Variants in CFAP161 observed in about 807,000 individuals in gnomAD.
The protein encoded by CFAP161 is cilia and flagella associated protein 161.
In CFAP161, 25 loss-of-function variants were observed where a neutral mutation model predicts 29.0. The observed-to-expected ratio is 0.86, with a 90% confidence interval of 0.63 to 1.20. The LOEUF is 1.20. Among genes scored for constraint, CFAP161 ranks in the 50% most tolerant of loss-of-function variants. The probability of loss-of-function intolerance (pLI) is 0.00; values close to 1 mark genes in which losing one functional copy is unlikely to be tolerated. For synonymous variants in CFAP161, 116 were observed against 137.4 expected, an observed-to-expected ratio of 0.84 and a Z score of 1.09; for missense variants, 367 against 371.9, an observed-to-expected ratio of 0.99 and a Z score of 0.11.
chr15:81,122,587 G>A (rs1894588691), intron 1 of CFAP161, among the ~76,000 whole-genome samples: 1 of 151,216 alleles, frequency 6.6e-6, no homozygotes, highest in East Asian at 1.9e-4. Flanking sequence ...TGCCTGCCAG[G>A]TTCAAGCGAT....
rs1166433495 is a variant in CFAP161, at chr15:81,124,986, TA to T, written c.-141-2598del. ...TTTGTGTTTGGCAATTTGTTTCAGTTAAAAAATTTTTTTTATTTGGAAATGA... is the reference window on the plus strand; with the variant it reads ...TTTGTGTTTGGCAATTTGTTTCAGTTAAAAATTTTTTTTATTTGGAAATGA... On this transcript the variant is annotated intron_variant, in intron 1 of 4. Coordinates refer to the CFAP161 transcript ENST00000560091. Among the ~76,000 whole-genome samples the T allele has an allele frequency of 4.6e-5, 7 of 152,124 alleles. No individual in the cohort carries two copies. The East Asian group carries it at 1.3e-3, about 29-fold the overall frequency.
chr15:81,137,431 CA>C (rs11420768), intron 3 of CFAP161, among the ~76,000 whole-genome samples: 1 of 152,002 alleles, frequency 6.6e-6, no homozygotes, highest in Non-Finnish European at 1.5e-5. Flanking sequence ...CCCATCTCTA[CA>C]AAAAATACAA....
At chr15:81,140,092 C>T (rs1443279759) in intron 4 of CFAP161, among the ~76,000 whole-genome samples, 4 of 151,888 alleles carry the variant, frequency 2.6e-5, no homozygotes, top group South Asian at 2.1e-4. Flanking sequence ...GCAAATCATC[C>T]GTTTTTTGCC....
intron 1 of CFAP161, among the ~76,000 whole-genome samples, chr15:81,106,071 A>T (rs1487617041): frequency 1.3e-5 from 2 of 152,210 alleles, no homozygotes; most frequent in Non-Finnish European, 2.9e-5. Context: ...GCAAAGTGTC[A>T]TGAGAACCAG....
intron 4 of CFAP161, among the ~76,000 whole-genome samples, chr15:81,141,684 T>A (rs1894911221): frequency 1.3e-5 from 2 of 151,558 alleles, no homozygotes; most frequent in Admixed American, 1.3e-4. Flanking sequence ...CAGATAGTAT[T>A]TGCCTTTTTT....
chr15:81,120,239 T>C (rs1894555011), intron 1 of CFAP161, among the ~76,000 whole-genome samples: 1 of 152,244 alleles, frequency 6.6e-6, no homozygotes, highest in African/African-American at 2.4e-5. Flanking sequence ...GGATTATGAC[T>C]GTATGCTATG....
intron 1 of CFAP161, among the ~76,000 whole-genome samples, chr15:81,114,654 C>T (rs1185825144): frequency 3.3e-5 from 5 of 151,984 alleles, no homozygotes; most frequent in East Asian, 1.9e-4. Context: ...TAGAGGAAGA[C>T]GAGGGTTTTT....
intron 1 of CFAP161, among the ~76,000 whole-genome samples, chr15:81,119,307 A>G (rs968238846): frequency 6.6e-6 from 1 of 152,220 alleles, no homozygotes; most frequent in African/African-American, 2.4e-5. Flanking sequence ...GTATTTTAAG[A>G]TAACAACCAG....
At chr15:81,105,118 CCCATACCTTT>C (rs1894348410) in intron 1 of CFAP161, among the ~76,000 whole-genome samples, 1 of 50,682 alleles carries the variant, frequency 2.0e-5, no homozygotes, top group African/African-American at 8.5e-5. Flanking sequence ...TCCTTTCTCC[CCCATACCTTT>C]CTCCCCCCTC....
chr15:81,105,295 C>T (rs1184932658), intron 1 of CFAP161, among the ~76,000 whole-genome samples: 4 of 123,682 alleles, frequency 3.2e-5, no homozygotes, highest in Admixed American at 8.9e-5. Flanking sequence ...TCCTTCCTTT[C>T]TTTTCCTTCC....
intron 1 of CFAP161, among the ~76,000 whole-genome samples, chr15:81,120,163 C>T (rs1280468650): frequency 6.6e-6 from 1 of 152,204 alleles, no homozygotes; most frequent in East Asian, 1.9e-4. Flanking sequence ...GATTGCTCTT[C>T]CTTAGGTGAA....
intron 1 of CFAP161, among the ~76,000 whole-genome samples, chr15:81,117,098 C>T (rs1894508128): frequency 6.6e-6 from 1 of 152,116 alleles, no homozygotes; most frequent in Non-Finnish European, 1.5e-5. Flanking sequence ...TTTTTACTCA[C>T]TGTGAGGCTG....
At chr15:81,130,302 T>G (rs1449258628), upstream of CFAP161, among the ~76,000 whole-genome samples, 1 of 152,244 alleles carries the variant, frequency 6.6e-6, no homozygotes, top group Non-Finnish European at 1.5e-5. Context: ...CTTCAAGAAC[T>G]TCTCCTTTGC....
rs766600870 is a variant in CFAP161 at position 81,135,340 on chromosome 15, AACAG to A, written c.142_145del (p.Gln48IlefsTer3). 6.3e-7 allele frequency: 1 copy of A among 1,593,708 alleles called. No homozygotes were observed. Among genetic ancestry groups the A allele is most frequent in the Non-Finnish European group, 8.5e-7 (1 of 1,174,774 alleles). ...CTCATACAGAGAAGTAGAAGACTAA[AACAG>A]AATCTCTTGAGACCGGTAACTTTTT... On this transcript the variant is annotated frameshift_variant, in exon 2 of 7. Transcript: ENST00000286732. LOFTEE classifies it high-confidence loss of function.
At chr15:81,141,497 A>G (rs912289486) in intron 4 of CFAP161, among the ~76,000 whole-genome samples, 1 of 152,158 alleles carries the variant, frequency 6.6e-6, no homozygotes, top group African/African-American at 2.4e-5. Context: ...TCTTCAAATG[A>G]TGACAATTTT....
chr15:81,100,801 G>T (rs1399957177), intron 1 of CFAP161, among the ~76,000 whole-genome samples: 1 of 151,526 alleles, frequency 6.6e-6, no homozygotes, highest in Non-Finnish European at 1.5e-5. Context: ...GCCTCCCAAA[G>T]TGCTAGGATT....
chr15:81,136,519 C>A lies in CFAP161; in HGVS notation c.163C>A (p.Gln55Lys), dbSNP rs1235714937. The A allele has an allele frequency of 6.2e-7, 1 of 1,613,862 alleles. No homozygotes were observed. The highest frequency in any genetic ancestry group is 8.5e-7 in the Non-Finnish European group (1 of 1,179,742). ...RLKQNLLRPM[Q>K]LSVTEDGYIH... ...TAAACTACTATCAAAATTGTAGATGCAACTTTCCGTAACTGAAGATGGCTA... is the reference window on the plus strand; with the variant it reads ...TAAACTACTATCAAAATTGTAGATGAAACTTTCCGTAACTGAAGATGGCTA... Residue 55 changes from glutamine to lysine, a missense_variant, in exon 3 of 7, where the codon CAA (glutamine) becomes AAA (lysine). Gln to Lys is a moderately conservative substitution (Grantham distance 53). Coordinates refer to ENST00000286732, the MANE Select transcript of CFAP161 (RefSeq NM_173528.4).
chr15:81,146,053 G>C (rs1288117144), intron 5 of CFAP161, among the ~76,000 whole-genome samples: 1 of 152,242 alleles, frequency 6.6e-6, no homozygotes, highest in Non-Finnish European at 1.5e-5. Context: ...TTGGTATTTA[G>C]TGGCTTAGCC....
chr15:81,135,847 A>AT (rs1211939075), intron 2 of CFAP161, among the ~76,000 whole-genome samples: 1 of 152,228 alleles, frequency 6.6e-6, no homozygotes, highest in Non-Finnish European at 1.5e-5. Flanking sequence ...TAGTTCAACC[A>AT]TTGTGGAAGT....
Sources: allele counts gnomAD v4.1 joint callset (sites outside exome capture counted in the v4.1 genomes callset), GRCh38; gene constraint gnomAD v4.1.1; transcripts MANE v1.5; gene names NCBI Gene and HGNC (gene_info 2026-07-23, HGNC 2026-07-21).